Variants in POMT2 observed in about 807,000 individuals in gnomAD.
POMT2 encodes the protein protein O-mannosyl-transferase 2.
Under a neutral mutation model 100.0 loss-of-function variants are expected in POMT2, and 75 were observed. The ratio of observed to expected loss-of-function variants is 0.75; its 90% CI spans 0.62 to 0.91. The LOEUF is 0.91. POMT2 is among the 40% of genes least tolerant of loss of function. The pLI is 0.00. For missense variants in POMT2, 940 were observed against 955.1 expected, an observed-to-expected ratio of 0.98 and a Z score of 0.21; for synonymous variants, 378 against 374.1, an observed-to-expected ratio of 1.01 and a Z score of -0.12.
chr14:77,312,147 A>G (rs1356099580), intron 1 of POMT2, 114 bp from the exon 2 acceptor site: 1 of 1,474,582 alleles, frequency 6.8e-7, no homozygotes, highest in East Asian at 2.5e-5. Context: ...ATTAATGCAA[A>G]AGTCTGGATT....
chr14:77,314,031 A>G (rs573078521), intron 1 of POMT2, among the ~76,000 whole-genome samples: 2 of 152,204 alleles, frequency 1.3e-5, no homozygotes, highest in African/African-American at 2.4e-5. Context: ...TTTTACTTCA[A>G]AAGTTTCCCA....
Position 77,276,265 on chromosome 14 carries a change from G to T in POMT2, c.*1111C>A, listed in dbSNP as rs1004998885. 6.6e-6 allele frequency: 1 copy of T among 152,626 alleles called. No individual in the cohort carries two copies. The highest frequency in any genetic ancestry group is 6.5e-5 in the Admixed American group (1 of 15,286). 9.5% of individuals were successfully genotyped at this position (152,626 alleles called of 1,614,324 possible). A position where few individuals can be genotyped will look rare whatever the true frequency, so the allele number is the denominator to read the frequency against. On this transcript the variant is annotated 3_prime_UTR_variant, in exon 21 of 21. Transcript: ENST00000261534. The stretch of plus-strand genomic sequence containing the variant: ...GCAGGAAGCTGGCATGCATTTCTAG[G>T]TGCCATGGGTCTTCACTGCTGAAGC...
intron 11 of POMT2, 78 bp from the exon 12 acceptor site, chr14:77,286,900 C>G: frequency 6.2e-7 from 1 of 1,607,298 alleles, no homozygotes; most frequent in South Asian, 1.1e-5. Context: ...CAAGGATGTT[C>G]AGAGTCAACT....
At chr14:77,292,949 C>T (rs1890691364) in intron 9 of POMT2, among the ~76,000 whole-genome samples, 1 of 152,146 alleles carries the variant, frequency 6.6e-6, no homozygotes, top group African/African-American at 2.4e-5. Flanking sequence ...CACCTAATGA[C>T]CTGTTTCTCA....
chr14:77,314,876 C>T (rs1891572583), intron 1 of POMT2, among the ~76,000 whole-genome samples: 1 of 152,242 alleles, frequency 6.6e-6, no homozygotes, highest in Non-Finnish European at 1.5e-5. Context: ...GAGCTGTGTA[C>T]TCAAGCCAAA....
chr14:77,302,225 C>T (rs1479739924), intron 5 of POMT2, among the ~76,000 whole-genome samples: 1 of 152,216 alleles, frequency 6.6e-6, no homozygotes, highest in Non-Finnish European at 1.5e-5. Context: ...GAAGGATGAT[C>T]TGGAAAAGAC....
intron 5 of POMT2, among the ~76,000 whole-genome samples, 158 bp from the exon 6 acceptor site, chr14:77,301,407 G>C (rs952629593): frequency 6.6e-6 from 1 of 152,232 alleles, no homozygotes; most frequent in African/African-American, 2.4e-5. Context: ...CTCCATGGAG[G>C]AGGCGGCCTG....
At chr14:77,318,642 A>T (rs1357142043) in intron 1 of POMT2, among the ~76,000 whole-genome samples, 1 of 152,226 alleles carries the variant, frequency 6.6e-6, no homozygotes. Flanking sequence ...AAAATCTAAC[A>T]AAAATCCTGG....
Position 77,320,244 on chromosome 14 carries a change from C to G in POMT2, c.248+190G>C, listed in dbSNP as rs1261188097. The G allele has an allele frequency of 4.3e-6, 4 of 936,550 alleles. No homozygotes were observed. The African/African-American group carries it at 4.9e-5, about 11-fold the overall frequency. The allele number at this position is 936,550 out of a possible 1,614,324, so 58.0% of individuals were successfully genotyped here. A position where few individuals can be genotyped will look rare whatever the true frequency, so the allele number is the denominator to read the frequency against. On this transcript the variant is annotated intron_variant, in intron 1 of 20. Transcript: ENST00000261534. ...GATACTAAGAATCCCACTGCCCCAC[C>G]ACCAGAGCAAAACGATCCCCCTCCC...
intron 4 of POMT2, among the ~76,000 whole-genome samples, chr14:77,304,092 A>G (rs183357162): frequency 6.6e-6 from 1 of 152,354 alleles, no homozygotes; most frequent in Admixed American, 6.5e-5. Flanking sequence ...ATATCTGTCA[A>G]AGCAAACCCC....
intron 1 of POMT2, among the ~76,000 whole-genome samples, chr14:77,318,621 T>C (rs767841475): frequency 3.3e-5 from 5 of 152,200 alleles, no homozygotes; most frequent in Non-Finnish European, 7.3e-5. Flanking sequence ...AATTTGATGG[T>C]GATCCAAATA....
At chr14:77,300,905 T>C in intron 6 of POMT2, 185 bp downstream of exon 6, 1 of 931,208 alleles carries the variant, frequency 1.1e-6, no homozygotes, top group South Asian at 1.5e-5. Flanking sequence ...TTGAACCCTA[T>C]CCAGTCCTCA....
intron 2 of POMT2, among the ~76,000 whole-genome samples, chr14:77,311,476 A>C (rs968039428): frequency 1.1e-4 from 16 of 152,168 alleles, no homozygotes; most frequent in African/African-American, 3.9e-4. Context: ...CCCCACACCC[A>C]TTTGCAGTCA....
rs754261430 is a variant in POMT2 at position 77,320,425 on chromosome 14, A to G, written c.248+9T>C. 6.5e-6 allele frequency: 10 copies of G among 1,546,210 alleles called. No individual in the cohort carries two copies. The East Asian group carries it at 1.7e-4, about 26-fold the overall frequency. On this transcript the variant is annotated intron_variant, in intron 1 of 20. Coordinates refer to ENST00000261534, the MANE Select transcript of POMT2 (RefSeq NM_013382.7). The stretch of plus-strand genomic sequence containing the variant: ...CCATGGTGCCCGCCGAGTCCCTCCC[A>G]TCACTCACCAGATGTGCGGCGGCTC...
At chr14:77,279,967 G>T (rs438931) in intron 17 of POMT2, 39 bp from the exon 18 acceptor site, 1 of 1,613,908 alleles carries the variant, frequency 6.2e-7, no homozygotes, top group South Asian at 1.1e-5. Context: ...GAACGCAGCC[G>T]CTCTCCACGG....
intron 2 of POMT2, among the ~76,000 whole-genome samples, chr14:77,308,356 G>GTT (rs529559494): frequency 0.018 from 2,289 of 128,382 alleles, 50 homozygotes; most frequent in South Asian, 0.047. Context: ...AAGTTTTTTT[G>GTT]TTTTTTTTTT....
chr14:77,308,074 C>G (rs1292265341), intron 2 of POMT2, among the ~76,000 whole-genome samples: 1 of 150,926 alleles, frequency 6.6e-6, no homozygotes, highest in Non-Finnish European at 1.5e-5. Context: ...CTTGGCCAGG[C>G]TGGTCTTGAA....
intron 2 of POMT2, among the ~76,000 whole-genome samples, chr14:77,311,309 T>C (rs940584961): frequency 1.3e-5 from 2 of 152,212 alleles, no homozygotes; most frequent in African/African-American, 4.8e-5. Flanking sequence ...TGCAATGTAT[T>C]CCTATTTCTT....
At position 77,285,232 on chromosome 14, in the gene POMT2, A is replaced by C. The variant is rs150864041; in HGVS notation, c.1485-191T>G. 1.0e-4 allele frequency: 75 copies of C among 714,766 alleles called. No individual in the cohort carries two copies. In the African/African-American group the frequency reaches 1.1e-3, roughly 10 times the overall value. 44.3% of individuals were successfully genotyped at this position (714,766 alleles called of 1,614,324 possible). A position where few individuals can be genotyped will look rare whatever the true frequency, so the allele number is the denominator to read the frequency against. Reference sequence around the variant, plus strand: ...CAGTATTCCCATTTTAGAAAAAGACATAGACCCAGAGAGTTATTAGCACCA... The same window carrying C: ...CAGTATTCCCATTTTAGAAAAAGACCTAGACCCAGAGAGTTATTAGCACCA... On this transcript the variant is annotated intron_variant, in intron 13 of 20. Transcript: ENST00000261534.
Sources: allele counts gnomAD v4.1 joint callset (sites outside exome capture counted in the v4.1 genomes callset), GRCh38; gene constraint gnomAD v4.1.1; transcripts MANE v1.5; gene names NCBI Gene and HGNC (gene_info 2026-07-23, HGNC 2026-07-21).